Variants in NFE2L1 observed in about 807,000 individuals in gnomAD.
The protein encoded by NFE2L1 is NFE2 like bZIP transcription factor 1.
Under a neutral mutation model 61.6 loss-of-function variants are expected in NFE2L1, and 18 were observed. The ratio of observed to expected loss-of-function variants is 0.29; its 90% CI spans 0.20 to 0.43. NFE2L1 has a LOEUF of 0.43. Among genes scored for constraint, NFE2L1 ranks in the 20% least tolerant of loss-of-function variants. NFE2L1 has a pLI of 1.00. For synonymous variants in NFE2L1, 419 were observed against 402.7 expected, an observed-to-expected ratio of 1.04 and a Z score of -0.48; for missense variants, 827 against 973.5, an observed-to-expected ratio of 0.85 and a Z score of 2.00.
At chr17:48,056,176 CTT>C (rs375010732) in intron 2 of NFE2L1, 4 of 620,374 alleles carry the variant, frequency 6.4e-6, no homozygotes, top group Non-Finnish European at 8.6e-6. Flanking sequence ...GCTAGTGGCT[CTT>C]TTTTTTTGTG....
rs888066604 is a variant in NFE2L1 at position 48,060,991 on chromosome 17, C to T, written c.*1350C>T. On this transcript the variant is annotated 3_prime_UTR_variant, in exon 6 of 6. Coordinates refer to ENST00000362042, the MANE Select transcript of NFE2L1 (RefSeq NM_003204.3). ...TTTTTCTCCTCTGTCCCGAGGTCGT[C>T]GTCTGCTTTCTTTTTTGGGTTTCTT... is the stretch of plus-strand genomic sequence containing the variant. 1 of 152,624 alleles carries T rather than the reference C, an allele frequency of 6.6e-6. No homozygotes were observed. Among genetic ancestry groups the T allele is most frequent in the African/African-American group, 2.4e-5 (1 of 41,434 alleles). The allele number at this position is 152,624 out of a possible 1,614,324, so 9.5% of individuals were successfully genotyped here.
rs2037248460 is a variant in NFE2L1, at chr17:48,051,455, G to A, written c.337G>A (p.Val113Ile). 3.1e-6 allele frequency: 5 copies of A among 1,613,972 alleles called. No individual in the cohort carries two copies. The African/African-American group carries it at 5.3e-5, about 17-fold the overall frequency. The change falls in exon 2 of 6, where the codon GTC (valine) becomes ATC (isoleucine). Residue 113 changes from valine to isoleucine, a missense_variant. This residue lies in a region of NFE2L1 where 667 missense variants were observed against 748.4 expected (regional missense o/e 0.89). Coordinates refer to ENST00000362042, the MANE Select transcript of NFE2L1 (RefSeq NM_003204.3). ...WLVHRDPEGS[V>I]SGSQPNSGLA... ...GGTTCACCGAGACCCAGAGGGGTCT[G>A]TCTCTGGCAGTCAGCCCAACTCAGG...
intron 2 of NFE2L1, among the ~76,000 whole-genome samples, chr17:48,055,454 G>C (rs1400344161): frequency 6.6e-6 from 1 of 152,202 alleles, no homozygotes; most frequent in Non-Finnish European, 1.5e-5. Flanking sequence ...CTGTTCACGA[G>C]CCACCAGGGT....
chr17:48,057,846 C>T (rs72823601), intron 5 of NFE2L1, among the ~76,000 whole-genome samples: 21,322 of 152,168 alleles, frequency 0.14, 2,054 homozygotes, highest in Non-Finnish European at 0.21. Context: ...TCACAGCCAT[C>T]GTTCGCTCAC....
In NFE2L1 at chr17:48,058,819, TTCTTCCTCCTCC is replaced by T. The variant is rs760750778; in HGVS notation, c.1506_1517del (p.Ser506_Ser509del). On this transcript the variant is annotated inframe_deletion, in exon 6 of 6. Transcript: ENST00000362042. ...GCAGCTCTGAAGGCAGTTCTTCCTCTTCTTCCTCCTCCTCTTCCTCTTCTTCCTCTGCTTCTT... is the reference window on the plus strand; with the variant it reads ...GCAGCTCTGAAGGCAGTTCTTCCTCTTCTTCCTCTTCTTCCTCTGCTTCTT... 1 of 1,613,984 alleles carries T rather than the reference TTCTTCCTCCTCC, an allele frequency of 6.2e-7. No individual in the cohort carries two copies. Among genetic ancestry groups the T allele is most frequent in the Non-Finnish European group, 8.5e-7 (1 of 1,179,930 alleles).
Position 48,051,394 on chromosome 17 carries a change from G to T in NFE2L1, c.276G>T (p.Arg92Ser). 6.2e-7 allele frequency: 1 copy of T among 1,614,190 alleles called. No individual in the cohort carries two copies. The highest frequency in any genetic ancestry group is 8.5e-7 in the Non-Finnish European group (1 of 1,180,036). The change falls in exon 2 of 6, where the codon AGG becomes AGT. Residue 92 changes from arginine (R) to serine (S), a missense_variant. Transcript: ENST00000362042. The part of the protein sequence containing the change: ...RLLSQVRALD[R>S]FQVPTTEVNA... ...TCAGTCAGGTGAGGGCCCTGGACAGGTTCCAGGTGCCAACCACTGAGGTAA... is the reference window on the plus strand; with the variant it reads ...TCAGTCAGGTGAGGGCCCTGGACAGTTTCCAGGTGCCAACCACTGAGGTAA...
chr17:48,058,170 CTTT>C lies in NFE2L1; in HGVS notation c.973-124_973-122del. The C allele has an allele frequency of 2.9e-6, 4 of 1,361,180 alleles. No homozygotes were observed. In the South Asian group the frequency reaches 5.1e-5, roughly 17 times the overall value. The allele number at this position is 1,361,180 out of a possible 1,614,324, so 84.3% of individuals were successfully genotyped here. Reference sequence around the variant, plus strand: ...CTGGGTCAGGAGCTGACACTGTGGGCTTTGGTTTATAGTATTTTGCCTTTACAC... The same window carrying C: ...CTGGGTCAGGAGCTGACACTGTGGGCGGTTTATAGTATTTTGCCTTTACAC... On this transcript the variant is annotated intron_variant, in intron 5 of 5. Coordinates refer to ENST00000362042, the MANE Select transcript of NFE2L1 (RefSeq NM_003204.3).
Position 48,051,096 on chromosome 17 carries a change from A to T in NFE2L1, c.-23A>T. The T allele has an allele frequency of 6.2e-7, 1 of 1,614,188 alleles. No individual in the cohort carries two copies. Among genetic ancestry groups the T allele is most frequent in the Non-Finnish European group, 8.5e-7 (1 of 1,180,038 alleles). ...TGGAAGATTTTAAAAACCAAAAAGC[A>T]TAAACATTCTGGTCCTTCAGCAATG... On this transcript the variant is annotated 5_prime_UTR_variant, in exon 2 of 6. Coordinates refer to ENST00000362042, the MANE Select transcript of NFE2L1 (RefSeq NM_003204.3).
chr17:48,054,984 C>G lies in NFE2L1; in HGVS notation c.511-1402C>G, dbSNP rs972663277. ...CCTTGCAGCCCCCTGTCCGGCTTCC[C>G]GGCACCGGCTGCCCTGGGGCTCATC... On this transcript the variant is annotated intron_variant, in intron 2 of 5. Transcript: ENST00000362042. 6 of 1,493,670 alleles carry G rather than the reference C, an allele frequency of 4.0e-6. No homozygotes were observed. The South Asian group carries it at 5.0e-5, about 12-fold the overall frequency. The allele number at this position is 1,493,670 out of a possible 1,614,324, so 92.5% of individuals were successfully genotyped here. A position where few individuals can be genotyped will look rare whatever the true frequency, so the allele number is the denominator to read the frequency against.
chr17:48,051,422 GC>G lies in NFE2L1; in HGVS notation c.306del (p.Trp103GlyfsTer31). 1 of 1,614,186 alleles carries G rather than the reference GC, an allele frequency of 6.2e-7. No homozygotes were observed. The highest frequency in any genetic ancestry group is 8.5e-7 in the Non-Finnish European group (1 of 1,180,038). ...RFQVPTTEVNAWLVHRDPEGS... is the reference protein window; with the variant it reads ...RFQVPTTEVNXWLVHRDPEGS... ...CCAGGTGCCAACCACTGAGGTAAATGCCTGGCTGGTTCACCGAGACCCAGAG... is the reference window on the plus strand; with the variant it reads ...CCAGGTGCCAACCACTGAGGTAAATGCTGGCTGGTTCACCGAGACCCAGAG... On this transcript the variant is annotated frameshift_variant, in exon 2 of 6. Coordinates refer to ENST00000362042, the MANE Select transcript of NFE2L1 (RefSeq NM_003204.3). LOFTEE classifies it high-confidence loss of function.
intron 5 of NFE2L1, among the ~76,000 whole-genome samples, chr17:48,057,857 T>C: frequency 6.6e-6 from 1 of 152,334 alleles, no homozygotes; most frequent in East Asian, 1.9e-4. Context: ...GTTCGCTCAC[T>C]TGGCCCTCAC....
chr17:48,049,962 G>C (rs113436213), intron 1 of NFE2L1, among the ~76,000 whole-genome samples: 2 of 152,314 alleles, frequency 1.3e-5, no homozygotes, highest in African/African-American at 4.8e-5. Context: ...CGCCTGTAGT[G>C]GGGGAGGAGG....
At chr17:48,055,555 G>A (rs2037379115) in intron 2 of NFE2L1, among the ~76,000 whole-genome samples, 1 of 143,366 alleles carries the variant, frequency 7.0e-6, no homozygotes, top group Admixed American at 6.8e-5. Context: ...TGACTGATGG[G>A]GATTTGGTGA....
intron 3 of NFE2L1, 71 bp from the exon 4 acceptor site, chr17:48,056,961 C>A: frequency 6.7e-7 from 1 of 1,502,432 alleles, no homozygotes; most frequent in Non-Finnish European, 9.2e-7. Flanking sequence ...TTCAGCCATT[C>A]TGGGAAAGAA....
Position 48,051,511 on chromosome 17 carries a change from A to C in NFE2L1, c.393A>C (p.Gln131His), listed in dbSNP as rs2037250003. 1 of 1,614,114 alleles carries C rather than the reference A, an allele frequency of 6.2e-7. No homozygotes were observed. Among genetic ancestry groups the C allele is most frequent in the Non-Finnish European group, 8.5e-7 (1 of 1,180,024 alleles). Reference protein sequence around the residue: ...GLALESSSGLQDVTGPDNGVR... With the variant: ...GLALESSSGLHDVTGPDNGVR... ...CCCTCGAGAGTTCCAGTGGCCTCCA[A>C]GATGTGACAGGCCCAGACAACGGGG... The change falls in exon 2 of 6, where the codon CAA (glutamine) becomes CAC (histidine). Residue 131 changes from glutamine (Q) to histidine (H), a missense_variant. Coordinates refer to ENST00000362042, the MANE Select transcript of NFE2L1 (RefSeq NM_003204.3).
intron 2 of NFE2L1, chr17:48,055,038 G>C (rs2037360424): frequency 1.3e-6 from 2 of 1,516,924 alleles, no homozygotes; most frequent in East Asian, 5.2e-5. Context: ...CTGGACCGCA[G>C]CTCTCACAGT....
chr17:48,058,504 C>T lies in NFE2L1; in HGVS notation c.1182C>T (p.Leu394=). The T allele has an allele frequency of 6.2e-7, 1 of 1,612,956 alleles. No homozygotes were observed. The highest frequency in any genetic ancestry group is 8.5e-7 in the Non-Finnish European group (1 of 1,179,304). ...SLPVASSSTL[L]PLAPSNSTSL... is the part of the protein sequence containing the mutation. ...CTGTGGCCAGTAGCTCCACGCTGCT[C>T]CCGTTGGCCCCCAGCAATTCTACCA... Residue 394 remains leucine (L), a synonymous_variant, in exon 6 of 6, where the codon CTC becomes CTT. Transcript: ENST00000362042.
chr17:48,054,255 A>C, intron 2 of NFE2L1: 1 of 153,882 alleles, frequency 6.5e-6, no homozygotes. Context: ...CCCTTCCCCC[A>C]GGGCTCTCAC....
Position 48,051,647 on chromosome 17 carries a change from G to A in NFE2L1, c.510+19G>A. ...CAAAGAGGTTAGTGGACCTGTGGTGGGTGTGTGGGGCCTGGGGCTTGGGGG... is the reference window on the plus strand; with the variant it reads ...CAAAGAGGTTAGTGGACCTGTGGTGAGTGTGTGGGGCCTGGGGCTTGGGGG... On this transcript the variant is annotated intron_variant, in intron 2 of 5. Transcript: ENST00000362042. 1.3e-6 allele frequency: 2 copies of A among 1,596,300 alleles called. No individual in the cohort carries two copies. The highest frequency in any genetic ancestry group is 1.7e-6 in the Non-Finnish European group (2 of 1,170,802).
Sources: allele counts gnomAD v4.1 joint callset (sites outside exome capture counted in the v4.1 genomes callset), GRCh38; gene constraint gnomAD v4.1.1; regional missense constraint gnomAD v4.1.1; transcripts MANE v1.5; gene names NCBI Gene and HGNC (gene_info 2026-07-23, HGNC 2026-07-21).